RNF121: variants seen among roughly 807,000 people sequenced by gnomAD.
RNF121 encodes ring finger protein 121, also known as E3 ubiquitin ligase RNF121.
RNF121 carries 21 observed loss-of-function variants against 46.5 expected under a neutral mutation model. The ratio of observed to expected loss-of-function variants is 0.45; its 90% CI spans 0.32 to 0.65. RNF121 has a LOEUF of 0.65. RNF121 is among the 30% of genes least tolerant of loss of function. The probability of loss-of-function intolerance (pLI) is 0.04; values close to 1 mark genes in which losing one functional copy is unlikely to be tolerated. For missense variants in RNF121, 346 were observed against 416.0 expected (o/e 0.83, Z 1.46); for synonymous variants, 139 against 144.7 (o/e 0.96, Z 0.28).
At position 71,990,697 on chromosome 11, in the gene RNF121, T is replaced by C; in HGVS notation, c.607T>C (p.Tyr203His). The change falls in exon 6 of 9, where the codon TAC (tyrosine) becomes CAC (histidine). Residue 203 changes from tyrosine to histidine, a missense_variant. By Grantham distance (83) the Tyr-to-His change is moderately conservative. Transcript: ENST00000361756. Reference sequence around the variant, plus strand: ...GGACTTTGCAGAAATGTGTGCAGACTACATGGCATCTACCATAGGGGTAAG... The same window carrying C: ...GGACTTTGCAGAAATGTGTGCAGACCACATGGCATCTACCATAGGGGTAAG... ...ERDFAEMCAD[Y>H]MASTIGFYSE... 1.2e-6 allele frequency: 2 copies of C among 1,614,198 alleles called. No individual in the cohort carries two copies. Among genetic ancestry groups the C allele is most frequent in the Non-Finnish European group, 1.7e-6 (2 of 1,180,028 alleles).
rs779660406 is a variant in RNF121 at position 71,995,569 on chromosome 11, C to T, written c.863+18C>T. On this transcript the variant is annotated intron_variant, in intron 8 of 8. Coordinates refer to ENST00000361756, the MANE Select transcript of RNF121 (RefSeq NM_018320.5). ...AGCAATCCGTATCCTTTATTGGGGT[C>T]GTTGTTGGGAGTGGGCTGTGGGAAG... 74 of 1,557,448 alleles carry T rather than the reference C, an allele frequency of 4.8e-5. No individual in the cohort carries two copies. The highest frequency in any genetic ancestry group is 1.3e-4 in the South Asian group (11 of 85,348).
chr11:71,978,000 G>A (rs867672434), intron 3 of RNF121: 2 of 271,042 alleles, frequency 7.4e-6, no homozygotes, highest in South Asian at 5.8e-5. Context: ...CTTCCTTAAT[G>A]AAGTTTAAAC....
At chr11:71,978,673 T>A (rs1021695828) in intron 3 of RNF121, among the ~76,000 whole-genome samples, 1 of 152,250 alleles carries the variant, frequency 6.6e-6, no homozygotes, top group Non-Finnish European at 1.5e-5. Flanking sequence ...AGAACTATTA[T>A]ATCAAATGCT....
At chr11:71,967,931 T>A (rs1374560207) in intron 3 of RNF121, among the ~76,000 whole-genome samples, 1 of 152,228 alleles carries the variant, frequency 6.6e-6, no homozygotes, top group African/African-American at 2.4e-5. Context: ...TGTTTCTTAC[T>A]GATTTGTAAG....
chr11:71,936,999 C>A (rs1271556049), intron 1 of RNF121, among the ~76,000 whole-genome samples: 1 of 152,180 alleles, frequency 6.6e-6, no homozygotes, highest in Non-Finnish European at 1.5e-5. Flanking sequence ...GACTGGCATG[C>A]CTACTATCTG....
intron 1 of RNF121, among the ~76,000 whole-genome samples, chr11:71,944,997 G>GT (rs559152542): frequency 0.013 from 1,856 of 144,958 alleles, 16 homozygotes; most frequent in South Asian, 0.072. Flanking sequence ...CTTTTTTGTT[G>GT]TTTTTTTTTT....
chr11:71,989,069 T>TG (rs1195568353), intron 5 of RNF121, among the ~76,000 whole-genome samples: 2 of 90,640 alleles, frequency 2.2e-5, no homozygotes. Context: ...GCATTATGGT[T>TG]TTTTGTTTGT....
chr11:71,982,543 G>T (rs1204570396), intron 3 of RNF121, among the ~76,000 whole-genome samples: 1 of 152,160 alleles, frequency 6.6e-6, no homozygotes, highest in Admixed American at 6.6e-5. Context: ...GGAAAGGAAA[G>T]AATATATCCA....
At chr11:71,961,777 T>C (rs544101349) in intron 3 of RNF121, among the ~76,000 whole-genome samples, 1 of 152,064 alleles carries the variant, frequency 6.6e-6, no homozygotes, top group Non-Finnish European at 1.5e-5. Context: ...AAATTCACTT[T>C]AGGTGGAAAG....
At chr11:71,976,792 T>C (rs899129227) in intron 3 of RNF121, among the ~76,000 whole-genome samples, 1 of 152,238 alleles carries the variant, frequency 6.6e-6, no homozygotes, top group African/African-American at 2.4e-5. Context: ...TATTAAGCCA[T>C]TCCTTCCCCA....
intron 1 of RNF121, among the ~76,000 whole-genome samples, chr11:71,935,647 G>A (rs1407090198): frequency 1.3e-5 from 2 of 152,182 alleles, no homozygotes; most frequent in Non-Finnish European, 2.9e-5. Context: ...ACTCAGGAAA[G>A]ATTCCAGTCC....
chr11:71,995,653 C>T (rs1954960236), intron 8 of RNF121, 102 bp downstream of exon 8: 2 of 838,466 alleles, frequency 2.4e-6, no homozygotes, highest in African/African-American at 1.7e-5. Context: ...CTTCTGCCCC[C>T]AACCAGAACA....
In RNF121 at chr11:71,987,205, G is replaced by A. The variant is rs1954788629; in HGVS notation, c.506+94G>A. ...TGCAAGTCGTGGTTATTAACAGGAG[G>A]GACGTAATATCCAGGATAGGAGACT... On this transcript the variant is annotated intron_variant, in intron 5 of 8. Transcript: ENST00000361756. 4 of 815,732 alleles carry A rather than the reference G, an allele frequency of 4.9e-6. No homozygotes were observed. In the Admixed American group the frequency reaches 5.4e-5, roughly 11 times the overall value. 50.5% of individuals were successfully genotyped at this position (815,732 alleles called of 1,614,324 possible). A position where few individuals can be genotyped will look rare whatever the true frequency, so the allele number is the denominator to read the frequency against.
In RNF121 at chr11:71,978,755, A is replaced by G. The variant is rs550007628; in HGVS notation, c.244-4006A>G. Among the ~76,000 whole-genome samples the G allele has an allele frequency of 9.8e-5, 15 of 152,322 alleles. No homozygotes were observed. In the South Asian group the frequency reaches 2.7e-3, roughly 27 times the overall value. ...TGTTGTAAGTGCTTTCCATGCCTTA[A>G]CTCATTTAACCCATACAACCTTCTG... On this transcript the variant is annotated intron_variant, in intron 3 of 8. Transcript: ENST00000361756.
chr11:71,977,073 T>G (rs1954541565), intron 3 of RNF121, among the ~76,000 whole-genome samples: 1 of 152,234 alleles, frequency 6.6e-6, no homozygotes. Flanking sequence ...CTACCTCCAG[T>G]TGACTGCAGT....
In RNF121 at chr11:71,964,282, A is replaced by T. The variant is rs564407994; in HGVS notation, c.243+3391A>T. On this transcript the variant is annotated intron_variant, in intron 3 of 8. Coordinates refer to ENST00000361756, the MANE Select transcript of RNF121 (RefSeq NM_018320.5). ...TCTTTTTGATGCCATTGTTAATGGA[A>T]TTTTTAAAAATTTCCTTTTTGAATT... Among the ~76,000 whole-genome samples the T allele has an allele frequency of 3.3e-5, 5 of 152,280 alleles. No homozygotes were observed. The East Asian group carries it at 9.6e-4, about 29-fold the overall frequency.
chr11:71,944,447 C>T (rs1953665882), intron 1 of RNF121, among the ~76,000 whole-genome samples: 1 of 152,292 alleles, frequency 6.6e-6, no homozygotes, highest in East Asian at 1.9e-4. Context: ...TGCCTTAATC[C>T]AGGCAAGTAG....
chr11:71,967,256 A>G (rs1954299357), intron 3 of RNF121, among the ~76,000 whole-genome samples: 1 of 150,646 alleles, frequency 6.6e-6, no homozygotes, highest in Non-Finnish European at 1.5e-5. Flanking sequence ...TGTTTTTTAA[A>G]TAACATGTTT....
At chr11:71,996,149 C>G (rs367564185) in intron 8 of RNF121, 46 bp from the exon 9 acceptor site, 4 of 1,610,242 alleles carry the variant, frequency 2.5e-6, no homozygotes, top group Non-Finnish European at 3.4e-6. Context: ...CTAGATCACT[C>G]CTGGCAGCTC....
Sources: gnomAD v4.1 joint callset for allele counts (sites outside exome capture counted in the v4.1 genomes callset) on GRCh38, gnomAD v4.1.1 for gene constraint, MANE v1.5 for transcripts, NCBI Gene and HGNC (gene_info 2026-07-23, HGNC 2026-07-21) for gene names.